The following FGF12 variants were observed in gnomAD, a reference collection of about 807,000 sequenced individuals.
FGF12 encodes fibroblast growth factor 12B.
A neutral mutation model predicts 23.6 loss-of-function variants in FGF12; 14 were observed. The ratio of observed to expected loss-of-function variants is 0.59; its 90% CI spans 0.39 to 0.93. The LOEUF (loss-of-function observed/expected upper bound fraction) is 0.93. Among genes scored for constraint, FGF12 ranks in the 40% least tolerant of loss-of-function variants. The pLI, the probability that FGF12 is intolerant of heterozygous loss-of-function variation, is 0.00. For synonymous variants in FGF12, 62 were observed against 77.3 expected (o/e 0.80, Z 1.04); for missense variants, 175 against 217.8 (o/e 0.80, Z 1.24).
At chr3:192,414,848 G>A (rs1483938123) in intron 2 of FGF12, among the ~76,000 whole-genome samples, 2 of 152,134 alleles carry the variant, frequency 1.3e-5, no homozygotes, top group Non-Finnish European at 2.9e-5. Context: ...TGTGTTGGAA[G>A]GGAGAGGAAA....
At chr3:192,411,444 C>T (rs905481007) in intron 2 of FGF12, among the ~76,000 whole-genome samples, 6 of 152,188 alleles carry the variant, frequency 3.9e-5, no homozygotes, top group African/African-American at 1.4e-4. Flanking sequence ...TGAATGAAGA[C>T]AGTGGATATA....
chr3:192,472,846 T>C (rs1238311432), intron 2 of FGF12, among the ~76,000 whole-genome samples: 1 of 152,198 alleles, frequency 6.6e-6, no homozygotes, highest in African/African-American at 2.4e-5. Flanking sequence ...GATTTCGAGT[T>C]TGTACTTGCT....
At chr3:192,716,180 G>T (rs1231639396) in intron 2 of FGF12, among the ~76,000 whole-genome samples, 2 of 152,140 alleles carry the variant, frequency 1.3e-5, no homozygotes, top group Non-Finnish European at 2.9e-5. Context: ...CTAACCCTGG[G>T]TTCACTGAAT....
At chr3:192,531,026 G>A (rs1031469292) in intron 2 of FGF12, among the ~76,000 whole-genome samples, 3 of 152,122 alleles carry the variant, frequency 2.0e-5, no homozygotes, top group Admixed American at 1.3e-4. Context: ...TGTTGGCCAG[G>A]CTGGTCTCGA....
chr3:192,320,846 C>T lies in FGF12; in HGVS notation c.228+14515G>A, dbSNP rs150318068. Among the ~76,000 whole-genome samples, 164 of 151,738 alleles carry T rather than the reference C, an allele frequency of 1.1e-3. 1 individual carries two copies. Among genetic ancestry groups the T allele is most frequent in the African/African-American group, 3.8e-3 (157 of 41,418 alleles). On this transcript the variant is annotated intron_variant, in intron 4 of 5. Transcript: ENST00000445105. ...AGAGGAAAGCTGATAGGTATAAGTGCCTACATAAAAAAGTAAAACATTTCT... is the reference window on the plus strand; with the variant it reads ...AGAGGAAAGCTGATAGGTATAAGTGTCTACATAAAAAAGTAAAACATTTCT...
chr3:192,599,528 A>C (rs1714020210), intron 2 of FGF12, among the ~76,000 whole-genome samples: 1 of 152,082 alleles, frequency 6.6e-6, no homozygotes, highest in Non-Finnish European at 1.5e-5. Flanking sequence ...TCTATAAGAT[A>C]ATAAAAATGA....
chr3:192,537,129 A>T (rs1324742518), intron 2 of FGF12, among the ~76,000 whole-genome samples: 1 of 152,136 alleles, frequency 6.6e-6, no homozygotes, highest in African/African-American at 2.4e-5. Context: ...AAATGACAGG[A>T]TCTCATTCTT....
intron 5 of FGF12, among the ~76,000 whole-genome samples, chr3:192,164,340 A>T (rs1270248082): frequency 1.3e-5 from 2 of 152,198 alleles, no homozygotes; most frequent in African/African-American, 2.4e-5. Context: ...GTTTATATGC[A>T]ATGTACATAG....
chr3:192,208,826 T>G (rs1717783193), intron 4 of FGF12, among the ~76,000 whole-genome samples: 1 of 152,240 alleles, frequency 6.6e-6, no homozygotes, highest in Non-Finnish European at 1.5e-5. Context: ...GCTTCTCAGT[T>G]GCCACGTGAG....
intron 4 of FGF12, among the ~76,000 whole-genome samples, chr3:192,181,623 T>C (rs991735370): frequency 6.7e-6 from 1 of 148,712 alleles, no homozygotes; most frequent in African/African-American, 2.5e-5. Flanking sequence ...TTAAGAGAAG[T>C]AATTTGTTTT....
intron 2 of FGF12, among the ~76,000 whole-genome samples, chr3:192,527,823 A>G (rs1724987916): frequency 1.3e-5 from 2 of 152,208 alleles, no homozygotes; most frequent in South Asian, 4.1e-4. Context: ...GGAAGGTGAA[A>G]GGCATGTCTC....
intron 4 of FGF12, among the ~76,000 whole-genome samples, chr3:192,283,538 T>C (rs1023114329): frequency 1.3e-5 from 2 of 152,122 alleles, no homozygotes; most frequent in Non-Finnish European, 2.9e-5. Context: ...TAGGAGATTT[T>C]AGTTAGAATA....
intron 2 of FGF12, among the ~76,000 whole-genome samples, chr3:192,677,824 G>C (rs1163262640): frequency 1.3e-5 from 2 of 152,148 alleles, no homozygotes; most frequent in Non-Finnish European, 2.9e-5. Flanking sequence ...TTCTGAATTT[G>C]GCAGTCCTAA....
intron 4 of FGF12, among the ~76,000 whole-genome samples, chr3:192,308,065 C>G (rs913857529): frequency 6.6e-6 from 1 of 152,088 alleles, no homozygotes; most frequent in Non-Finnish European, 1.5e-5. Flanking sequence ...ATCTACAGCT[C>G]TATGCTCCAT....
intron 2 of FGF12, among the ~76,000 whole-genome samples, chr3:192,639,034 T>C (rs1443074504): frequency 6.6e-6 from 1 of 152,064 alleles, no homozygotes; most frequent in Non-Finnish European, 1.5e-5. Flanking sequence ...GGGAAAAAAA[T>C]ATTTGCAAAC....
intron 2 of FGF12, among the ~76,000 whole-genome samples, chr3:192,644,628 C>T (rs150185990): frequency 6.6e-6 from 1 of 152,062 alleles, no homozygotes; most frequent in Non-Finnish European, 1.5e-5. Context: ...ACTTATTGTA[C>T]GTCAGGTACT....
At chr3:192,388,837 CAT>C (rs1009286746) in intron 2 of FGF12, among the ~76,000 whole-genome samples, 3 of 150,742 alleles carry the variant, frequency 2.0e-5, no homozygotes, top group African/African-American at 7.3e-5. Flanking sequence ...AAAAATGAAA[CAT>C]ATGGAAAAGA....
At chr3:192,415,222 G>A (rs578163979) in intron 2 of FGF12, among the ~76,000 whole-genome samples, 7 of 152,100 alleles carry the variant, frequency 4.6e-5, no homozygotes, top group East Asian at 1.9e-4. Flanking sequence ...ACAACAGACC[G>A]CCCATCATTT....
chr3:192,203,738 T>C (rs996220474), intron 4 of FGF12, among the ~76,000 whole-genome samples: 8 of 152,092 alleles, frequency 5.3e-5, no homozygotes, highest in African/African-American at 1.7e-4. Context: ...TTCCAAGTAG[T>C]TCAGATTATT....
Sources: gnomAD v4.1 joint callset for allele counts (sites outside exome capture counted in the v4.1 genomes callset) on GRCh38, gnomAD v4.1.1 for gene constraint, MANE v1.5 for transcripts, NCBI Gene and HGNC (gene_info 2026-07-23, HGNC 2026-07-21) for gene names.